Variants in MITD1 observed in about 807,000 individuals in gnomAD.
MITD1 encodes MIT domain-containing protein 1.
A neutral mutation model predicts 34.9 loss-of-function variants in MITD1; 24 were observed. The observed-to-expected ratio is 0.69, with a 90% CI of 0.50 to 0.97. The LOEUF (loss-of-function observed/expected upper bound fraction) is 0.97, where lower values mean the gene tolerates loss of function less well. MITD1 is among the 50% of genes least tolerant of loss of function. The pLI, the probability that MITD1 is intolerant of heterozygous loss-of-function variation, is 0.00. For missense variants in MITD1, 266 were observed against 294.6 expected (o/e 0.90, Z 0.71); for synonymous variants, 102 against 101.4 (o/e 1.01, Z -0.04).
At chr2:99,166,243 A>T (rs1029005638), downstream of MITD1, among the ~76,000 whole-genome samples, 1 of 152,000 alleles carries the variant, frequency 6.6e-6, no homozygotes, top group Admixed American at 6.6e-5. Context: ...GAACTTCGGT[A>T]TTTAAAATGT....
In MITD1 at chr2:99,176,337, T is replaced by TC. The variant is rs942460039; in HGVS notation, c.152-2322_152-2321insG. Among the ~76,000 whole-genome samples the TC allele has an allele frequency of 1.0e-4, 15 of 148,980 alleles. No homozygotes were observed. In the South Asian group the frequency reaches 3.2e-3, roughly 31 times the overall value. ...GAGGCCCAACACAAATTCATAAACT[T>TC]TTTTTTTTTTTTTGAGACGGAGTCT... On this transcript the variant is annotated intron_variant, in intron 1 of 6. Transcript: ENST00000289359.
At chr2:99,168,933 C>G (rs2093839666), downstream of MITD1, among the ~76,000 whole-genome samples, 1 of 148,990 alleles carries the variant, frequency 6.7e-6, no homozygotes, top group African/African-American at 2.5e-5. Flanking sequence ...GCACATGCCA[C>G]CATGCCCGGC....
At chr2:99,167,676 G>A (rs956582563), downstream of MITD1, among the ~76,000 whole-genome samples, 1 of 152,084 alleles carries the variant, frequency 6.6e-6, no homozygotes, top group Non-Finnish European at 1.5e-5. Flanking sequence ...CCATTTCCAC[G>A]TGGCATCGGG....
downstream of MITD1, among the ~76,000 whole-genome samples, chr2:99,168,223 C>T (rs963222259): frequency 1.3e-5 from 2 of 152,194 alleles, no homozygotes; most frequent in Non-Finnish European, 2.9e-5. Flanking sequence ...CTCACCGCAG[C>T]CTCCACCTCC....
chr2:99,164,307 C>A (rs1192072223), downstream of MITD1, among the ~76,000 whole-genome samples: 3 of 151,876 alleles, frequency 2.0e-5, no homozygotes, highest in Non-Finnish European at 4.4e-5. Context: ...CCCCATGGCC[C>A]CCCTCCTCCC....
At chr2:99,171,924 A>G in intron 2 of MITD1, 1 of 365,326 alleles carries the variant, frequency 2.7e-6, no homozygotes, top group Non-Finnish European at 5.0e-6. Flanking sequence ...CTTGAGCAAG[A>G]TCCTATAGAC....
intron 2 of MITD1, 150 bp downstream of exon 2, chr2:99,173,765 A>T: frequency 1.5e-6 from 1 of 662,798 alleles, no homozygotes; most frequent in Non-Finnish European, 2.7e-6. Flanking sequence ...CAACTCCTGT[A>T]TGGGAGTGGA....
chr2:99,174,680 T>C (rs2105223424), intron 1 of MITD1, among the ~76,000 whole-genome samples: 1 of 152,266 alleles, frequency 6.6e-6, no homozygotes, highest in Non-Finnish European at 1.5e-5. Context: ...AACCTCCACC[T>C]CCCGGGTTCA....
chr2:99,178,127 G>C (rs1574836497), intron 1 of MITD1, among the ~76,000 whole-genome samples: 1 of 152,128 alleles, frequency 6.6e-6, no homozygotes, highest in Non-Finnish European at 1.5e-5. Flanking sequence ...TAGCTATTAT[G>C]AATAGTGCTG....
rs543265924 is a variant in MITD1 at position 99,180,901 on chromosome 2, C to G, written c.81G>C (p.Ser27=). Residue 27 remains serine (S), a synonymous_variant, in exon 1 of 7, where the codon TCG becomes TCC. Coordinates refer to ENST00000289359, the MANE Select transcript of MITD1 (RefSeq NM_138798.3). ...TVLKRAVELD[S]ESRYPQALVC... ...CCAGAGCCTGCGGATACCGCGACTCCGAATCTAGTTCTACTGCCCGCTTTA... is the reference window on the plus strand; with the variant it reads ...CCAGAGCCTGCGGATACCGCGACTCGGAATCTAGTTCTACTGCCCGCTTTA... 2.5e-6 allele frequency: 4 copies of G among 1,614,186 alleles called. No individual in the cohort carries two copies. The African/African-American group carries it at 5.3e-5, about 22-fold the overall frequency.
chr2:99,173,420 T>G, intron 2 of MITD1: 1 of 463,550 alleles, frequency 2.2e-6, no homozygotes, highest in Non-Finnish European at 4.5e-6. Context: ...CTACCTGACC[T>G]CTAATCATTA....
chr2:99,170,038 T>G lies in MITD1; in HGVS notation c.594-428A>C, dbSNP rs188691731. Among the ~76,000 whole-genome samples, 462 of 152,288 alleles carry G rather than the reference T, an allele frequency of 3.0e-3. 2 individuals carry two copies. Among genetic ancestry groups the G allele is most frequent in the South Asian group, 0.016 (79 of 4,832 alleles). On this transcript the variant is annotated intron_variant, in intron 5 of 6. Transcript: ENST00000289359. Reference sequence around the variant, plus strand: ...ATTTAGTTTGTGATTAAGTTTTTATTAAAACTGAGTGCCCTTGCTATAAAC... The same window carrying G: ...ATTTAGTTTGTGATTAAGTTTTTATGAAAACTGAGTGCCCTTGCTATAAAC...
chr2:99,179,854 G>A (rs1049793424), intron 1 of MITD1, among the ~76,000 whole-genome samples: 1 of 152,086 alleles, frequency 6.6e-6, no homozygotes, highest in African/African-American at 2.4e-5. Flanking sequence ...GTGAGCCACC[G>A]CGCCCGGCCG....
In MITD1 at chr2:99,180,592, A is replaced by G. The variant is rs577250563; in HGVS notation, c.151+239T>C. 6.5e-5 allele frequency: 26 copies of G among 399,436 alleles called. No homozygotes were observed. In the East Asian group the frequency reaches 6.5e-4, roughly 10 times the overall value. 24.7% of individuals were successfully genotyped at this position (399,436 alleles called of 1,614,324 possible). A position where few individuals can be genotyped will look rare whatever the true frequency, so the allele number is the denominator to read the frequency against. On this transcript the variant is annotated intron_variant, in intron 1 of 6. Coordinates refer to ENST00000289359, the MANE Select transcript of MITD1 (RefSeq NM_138798.3). ...TATATATTACATTGCGTTATATCTT[A>G]TATCTCTTAAGTCTTTTAAAATCTA...
At chr2:99,171,186 C>T (rs1339336111) in intron 4 of MITD1, among the ~76,000 whole-genome samples, 157 bp downstream of exon 4, 3 of 152,146 alleles carry the variant, frequency 2.0e-5, no homozygotes, top group Admixed American at 1.3e-4. Context: ...AAATCAATAA[C>T]TTTTTTTATG....
intron 7 of MITD1, chr2:99,162,511 A>C (rs1462499605): frequency 1.9e-6 from 3 of 1,613,990 alleles, no homozygotes; most frequent in Non-Finnish European, 2.5e-6. Flanking sequence ...TGTAGTACTG[A>C]TGGGACGTTC....
At chr2:99,175,740 C>A (rs1348847997) in intron 1 of MITD1, among the ~76,000 whole-genome samples, 1 of 152,190 alleles carries the variant, frequency 6.6e-6, no homozygotes, top group South Asian at 2.1e-4. Flanking sequence ...TTCCGTCATT[C>A]CTTCTCAATC....
intron 4 of MITD1, among the ~76,000 whole-genome samples, 175 bp downstream of exon 4, chr2:99,171,168 G>C (rs1268769347): frequency 6.6e-6 from 1 of 152,160 alleles, no homozygotes; most frequent in East Asian, 1.9e-4. Flanking sequence ...TACAAAATCA[G>C]CATCCTAAAA....
At chr2:99,165,045 CACACACACACACACACAT>C (rs1233424660), downstream of MITD1, among the ~76,000 whole-genome samples, 2 of 142,954 alleles carry the variant, frequency 1.4e-5, no homozygotes, top group Non-Finnish European at 3.1e-5. Context: ...CACACACACA[CACACACACACACACACAT>C]ATATATATAG....
Sources: gnomAD v4.1 joint callset for allele counts (sites outside exome capture counted in the v4.1 genomes callset) on GRCh38, gnomAD v4.1.1 for gene constraint, MANE v1.5 for transcripts, NCBI Gene and HGNC (gene_info 2026-07-23, HGNC 2026-07-21) for gene names.